Variants in TECR observed in about 807,000 individuals in gnomAD.
TECR encodes the protein very-long-chain enoyl-CoA reductase.
A neutral mutation model predicts 50.6 loss-of-function variants in TECR; 19 were observed. The observed-to-expected ratio is 0.38, with a 90% CI of 0.26 to 0.55. The LOEUF (loss-of-function observed/expected upper bound fraction) is 0.55, where lower values mean the gene tolerates loss of function less well. TECR is among the 20% of genes least tolerant of loss of function. The pLI is 0.79. For synonymous variants in TECR, 168 were observed against 163.5 expected (o/e 1.03, Z -0.21); for missense variants, 313 against 408.3 (o/e 0.77, Z 2.01).
chr19:14,560,207 G>T (rs548978548), intron 1 of TECR, among the ~76,000 whole-genome samples: 19 of 152,314 alleles, frequency 1.2e-4, no homozygotes, highest in African/African-American at 4.1e-4. Flanking sequence ...CCCTGGTTTG[G>T]TGCCCAGGTT....
At chr19:14,542,347 G>GGGTTTTTTTTTTTTTTTTTTTTT (rs2073124658) in intron 1 of TECR, among the ~76,000 whole-genome samples, 1 of 43,284 alleles carries the variant, frequency 2.3e-5, no homozygotes, top group African/African-American at 8.1e-5. Flanking sequence ...ATGCCATAGT[G>GGGTTTTTTTTTTTTTTTTTTTTT]TTTTTTTTTT....
At position 14,562,546 on chromosome 19, in the gene TECR, A is replaced by G; in HGVS notation, c.37A>G (p.Thr13Ala). Residue 13 changes from threonine (T) to alanine (A), a missense_variant, in exon 2 of 13, where the codon ACA becomes GCA. Physicochemically the swap from Thr to Ala is moderately conservative, Grantham distance 58. Coordinates refer to ENST00000215567, the MANE Select transcript of TECR (RefSeq NM_138501.6). ...HYEVEILDAKTREKLCFLDKV... is the reference protein window; with the variant it reads ...HYEVEILDAKAREKLCFLDKV... ...CGAGGTGGAGATTCTGGACGCAAAG[A>G]CAAGGGAGAAGCTGTGTTTCTTGGA... 1.2e-6 allele frequency: 2 copies of G among 1,614,214 alleles called. No homozygotes were observed. The highest frequency in any genetic ancestry group is 1.7e-6 in the Non-Finnish European group (2 of 1,180,028).
intron 1 of TECR, among the ~76,000 whole-genome samples, chr19:14,534,595 C>G (rs2072798842): frequency 1.3e-5 from 2 of 151,874 alleles, no homozygotes; most frequent in Non-Finnish European, 2.9e-5. Flanking sequence ...GCCACCATGC[C>G]CGGCTAATTT....
rs759231319 is a variant in TECR at position 14,564,950 on chromosome 19, C to G, written c.564C>G (p.Thr188=). The G allele has an allele frequency of 5.0e-6, 8 of 1,613,970 alleles. No individual in the cohort carries two copies. The Admixed American group carries it at 1.2e-4, about 24-fold the overall frequency. ...YINHPLYTPP[T]YGAQQVKLAL... ...CTCCCCTCCCTGCTTCCTCTTCAGC[C>G]TACGGAGCTCAGCAGGTGAAACTGG... The change falls in exon 9 of 13, where the codon ACC becomes ACG. Residue 188 remains threonine, a splice_region_variant and synonymous_variant. Coordinates refer to ENST00000215567, the MANE Select transcript of TECR (RefSeq NM_138501.6).
intron 2 of TECR, among the ~76,000 whole-genome samples, 186 bp downstream of exon 2, chr19:14,562,761 G>A (rs2073940702): frequency 6.6e-6 from 1 of 152,166 alleles, no homozygotes; most frequent in African/African-American, 2.4e-5. Flanking sequence ...TGGAGGCACA[G>A]GAGTCTCAGT....
chr19:14,538,226 G>A (rs868224582), intron 1 of TECR, among the ~76,000 whole-genome samples: 1 of 152,174 alleles, frequency 6.6e-6, no homozygotes, highest in African/African-American at 2.4e-5. Context: ...TTTGCTGTGG[G>A]TCGTGCACTG....
intron 1 of TECR, among the ~76,000 whole-genome samples, chr19:14,552,830 C>T (rs2073581473): frequency 6.6e-6 from 1 of 152,114 alleles, no homozygotes; most frequent in Admixed American, 6.5e-5. Flanking sequence ...GCCACTGCGC[C>T]CGGCCCAGTC....
At position 14,563,343 on chromosome 19, in the gene TECR, T is replaced by C. The variant is rs1393263570; in HGVS notation, c.118+86T>C. On this transcript the variant is annotated intron_variant, in intron 3 of 12. Transcript: ENST00000215567. The surrounding 1 kb of genome is among the most constrained non-coding windows in gnomAD (Gnocchi z 5.3). ...GGAGGGATCCCATCCTGCACCCCTCTCCCAGGGGCCTGCAGAGATGCCCCA... is the reference window on the plus strand; with the variant it reads ...GGAGGGATCCCATCCTGCACCCCTCCCCCAGGGGCCTGCAGAGATGCCCCA... 3.8e-6 allele frequency: 5 copies of C among 1,305,594 alleles called. No homozygotes were observed. The highest frequency in any genetic ancestry group is 5.5e-6 in the Non-Finnish European group (5 of 905,534). The allele number at this position is 1,305,594 out of a possible 1,614,324, so 80.9% of individuals were successfully genotyped here. A position where few individuals can be genotyped will look rare whatever the true frequency, so the allele number is the denominator to read the frequency against.
At chr19:14,561,509 CAG>C (rs2073901487) in intron 1 of TECR, among the ~76,000 whole-genome samples, 1 of 152,192 alleles carries the variant, frequency 6.6e-6, no homozygotes, top group African/African-American at 2.4e-5. Flanking sequence ...ACTCCTACCT[CAG>C]GGGCTGGCAC....
rs938926958 is a variant in TECR, at chr19:14,536,178, C to T, written c.15+6467C>T. On this transcript the variant is annotated intron_variant, in intron 1 of 12. Transcript: ENST00000215567. ...CTTCCTGGGAAGGTGGCAATGCTTA[C>T]GGGCTTTGGATCAGTGCTAGGCTCA... Among the ~76,000 whole-genome samples, 4 of 151,912 alleles carry T rather than the reference C, an allele frequency of 2.6e-5. No individual in the cohort carries two copies. In the South Asian group the frequency reaches 8.3e-4, roughly 31 times the overall value.
chr19:14,557,281 C>T (rs190640669), intron 1 of TECR, among the ~76,000 whole-genome samples: 236 of 151,624 alleles, frequency 1.6e-3, no homozygotes, highest in Non-Finnish European at 2.6e-3. Context: ...GCTGGGATTA[C>T]AGGCACACAC....
At chr19:14,547,644 G>A (rs2073349611) in intron 1 of TECR, among the ~76,000 whole-genome samples, 2 of 149,618 alleles carry the variant, frequency 1.3e-5, no homozygotes, top group South Asian at 2.1e-4. Flanking sequence ...TTACAGGTGT[G>A]AGCCACTGTA....
intron 1 of TECR, chr19:14,532,124 T>TCTC (rs1241342537): frequency 6.6e-6 from 1 of 152,036 alleles, no homozygotes; most frequent in African/African-American, 2.4e-5. Flanking sequence ...AACAGTCAGA[T>TCTC]AAAGTAGGCC....
intron 11 of TECR, 137 bp downstream of exon 11, chr19:14,565,427 CCT>C (rs1298983055): frequency 1.5e-6 from 2 of 1,367,750 alleles, no homozygotes; most frequent in African/African-American, 1.4e-5. Context: ...GAGACCGCGG[CCT>C]CTCTGCTGTG....
rs1599469977 is a variant in TECR at position 14,553,115 on chromosome 19, T to C, written c.16-9410T>C. ...TTGTGCCATATTCATCCTCTATGAA[T>C]GGCTGTGGCTGCTCGCCCAAGCCAG... On this transcript the variant is annotated intron_variant, in intron 1 of 12. Coordinates refer to ENST00000215567, the MANE Select transcript of TECR (RefSeq NM_138501.6). Among the ~76,000 whole-genome samples the C allele has an allele frequency of 2.6e-5, 4 of 152,244 alleles. 2 individuals are homozygous for C. In the South Asian group the frequency reaches 8.4e-4, roughly 32 times the overall value.
Position 14,552,782 on chromosome 19 carries a change from C to T in TECR, c.16-9743C>T, listed in dbSNP as rs528386376. The stretch of plus-strand genomic sequence containing the variant: ...TGATCTCCTGACCTCGTGATCCACC[C>T]GCCTCGGCCTCCCAAAGTGCTGGGA... On this transcript the variant is annotated intron_variant, in intron 1 of 12. Transcript: ENST00000215567. Among the ~76,000 whole-genome samples, 116 of 151,918 alleles carry T rather than the reference C, an allele frequency of 7.6e-4. 1 individual carries two copies. Among genetic ancestry groups the T allele is most frequent in the Admixed American group, 1.6e-3 (24 of 15,238 alleles).
chr19:14,535,128 G>A (rs1485035015), intron 1 of TECR, among the ~76,000 whole-genome samples: 2 of 151,726 alleles, frequency 1.3e-5, no homozygotes, highest in African/African-American at 2.4e-5. Context: ...ATCCCAGCAC[G>A]TTGGGAGGCT....
intron 2 of TECR, 118 bp downstream of exon 2, chr19:14,562,693 G>T: frequency 8.4e-7 from 1 of 1,186,488 alleles, no homozygotes; most frequent in South Asian, 1.2e-5. Flanking sequence ...CCTATGGAGG[G>T]GTATGCCCTC....
Position 14,565,277 on chromosome 19 carries a change from A to G in TECR, c.740A>G (p.Asn247Ser). The G allele has an allele frequency of 6.2e-7, 1 of 1,613,386 alleles. No homozygotes were observed. The highest frequency in any genetic ancestry group is 8.5e-7 in the Non-Finnish European group (1 of 1,179,938). ...TWLFLLVSCPNYTYEVGSWIG... is the reference protein window; with the variant it reads ...TWLFLLVSCPSYTYEVGSWIG... Reference sequence around the variant, plus strand: ...CTCTTCCTGCTGGTGTCCTGCCCCAACTACACCTACGAGGTGAGGGGCTGC... The same window carrying G: ...CTCTTCCTGCTGGTGTCCTGCCCCAGCTACACCTACGAGGTGAGGGGCTGC... The change falls in exon 11 of 13, where the codon AAC becomes AGC. Residue 247 changes from asparagine (N) to serine (S), a missense_variant. By Grantham distance (46) the Asn-to-Ser change is conservative. Coordinates refer to ENST00000215567, the MANE Select transcript of TECR (RefSeq NM_138501.6).
Sources: gnomAD v4.1 joint callset for allele counts (sites outside exome capture counted in the v4.1 genomes callset) on GRCh38, gnomAD v4.1.1 for gene constraint, Gnocchi (gnomAD v3.1) non-coding constraint, MANE v1.5 for transcripts, NCBI Gene and HGNC (gene_info 2026-07-23, HGNC 2026-07-21) for gene names.